LNPK: variants seen among roughly 807,000 people sequenced by gnomAD.
LNPK encodes the protein endoplasmic reticulum junction formation protein lunapark.
Under a neutral mutation model 55.2 loss-of-function variants are expected in LNPK, and 29 were observed. The ratio of observed to expected loss-of-function variants is 0.53; its 90% CI spans 0.39 to 0.72. LNPK has a LOEUF of 0.72. Ranked by LOEUF, LNPK falls within the 30% of genes least tolerant of loss-of-function variation. The probability of loss-of-function intolerance (pLI) is 0.00; values close to 1 mark genes in which losing one functional copy is unlikely to be tolerated. For synonymous variants in LNPK, 162 were observed against 168.2 expected (o/e 0.96, Z 0.29); for missense variants, 467 against 494.8 (o/e 0.94, Z 0.53).
chr2:175,967,673 T>C lies in LNPK; in HGVS notation c.358-3084A>G, dbSNP rs926082519. On this transcript the variant is annotated intron_variant, in intron 6 of 12. Transcript: ENST00000272748. ...TGAAAATACTGTCTGGTATCCCTGA[T>C]TTGAGGTTTGCTGTTGAAATTGATG... The C allele has an allele frequency of 2.5e-5, 25 of 984,346 alleles. No homozygotes were observed. In the African/African-American group the frequency reaches 3.8e-4, roughly 15 times the overall value. 61.0% of individuals were successfully genotyped at this position (984,346 alleles called of 1,614,324 possible). A position where few individuals can be genotyped will look rare whatever the true frequency, so the allele number is the denominator to read the frequency against.
At chr2:175,931,529 A>G (rs1488924279) in intron 12 of LNPK, among the ~76,000 whole-genome samples, 1 of 152,208 alleles carries the variant, frequency 6.6e-6, no homozygotes, top group Non-Finnish European at 1.5e-5. Context: ...AATTAGTTAT[A>G]ACCACCTTCC....
chr2:175,932,164 T>C (rs144231373), intron 12 of LNPK: 1 of 455,442 alleles, frequency 2.2e-6, no homozygotes, highest in East Asian at 6.9e-5. Flanking sequence ...AATACTGTAC[T>C]GAAACAGGAG....
In LNPK at chr2:175,964,421, C is replaced by G; in HGVS notation, c.444G>C (p.Glu148Asp). 5 of 1,613,018 alleles carry G rather than the reference C, an allele frequency of 3.1e-6. No individual in the cohort carries two copies. The highest frequency in any genetic ancestry group is 4.2e-6 in the Non-Finnish European group (5 of 1,179,004). ...CTGCTCCAGCAGATGGCGGCTCACA[C>G]TCCTGTCAATTATAATAATGTTATT... ...RFDPDSKKAKECEPPSAGAAV... is the reference protein window; with the variant it reads ...RFDPDSKKAKDCEPPSAGAAV... The change falls in exon 8 of 13, where the codon GAG (glutamate) becomes GAC (aspartate). Residue 148 changes from glutamate to aspartate, a missense_variant and splice_region_variant. Transcript: ENST00000272748.
chr2:175,997,703 C>CTTTATATGTGTGTGTG (rs1491566543), intron 1 of LNPK, among the ~76,000 whole-genome samples: 5 of 45,818 alleles, frequency 1.1e-4, no homozygotes, highest in African/African-American at 3.4e-4. Context: ...AAAACAAATG[C>CTTTATATGTGTGTGTG]TCTGTGTGTG....
chr2:175,941,324 CAAG>C (rs980423962), intron 9 of LNPK, among the ~76,000 whole-genome samples: 2 of 124,780 alleles, frequency 1.6e-5, no homozygotes, highest in Non-Finnish European at 3.9e-5. Flanking sequence ...TGGGGTCCAT[CAAG>C]AAGAGGAGAA....
chr2:175,982,928 C>A (rs1425431313), intron 4 of LNPK, among the ~76,000 whole-genome samples: 1 of 151,994 alleles, frequency 6.6e-6, no homozygotes, highest in African/African-American at 2.4e-5. Flanking sequence ...ATCCAAACAA[C>A]AAGGAGAATA....
At chr2:175,970,931 T>A in intron 5 of LNPK, 127 bp from the exon 6 acceptor site, 3 of 751,890 alleles carry the variant, frequency 4.0e-6, no homozygotes, top group Non-Finnish European at 5.8e-6. Flanking sequence ...TTAACTGATG[T>A]GTAGAGACAA....
At chr2:175,957,529 C>A (rs1401366881) in intron 8 of LNPK, among the ~76,000 whole-genome samples, 1 of 151,598 alleles carries the variant, frequency 6.6e-6, no homozygotes, top group Non-Finnish European at 1.5e-5. Flanking sequence ...AGTTCCAAAT[C>A]AATTCTCCCT....
At chr2:175,951,593 A>ATATATATATATATATATC (rs1685412571) in intron 8 of LNPK, among the ~76,000 whole-genome samples, 1 of 96,282 alleles carries the variant, frequency 1.0e-5, no homozygotes, top group African/African-American at 3.3e-5. Context: ...TCATATATAT[A>ATATATATATATATATATC]TATATATATA....
At chr2:175,958,671 G>C (rs910310176) in intron 8 of LNPK, among the ~76,000 whole-genome samples, 5 of 152,158 alleles carry the variant, frequency 3.3e-5, no homozygotes, top group African/African-American at 1.2e-4. Flanking sequence ...CTCTTCCGAA[G>C]GATTGCAGCT....
At chr2:175,947,813 TATA>T (rs1685221551) in intron 8 of LNPK, 121 bp from the exon 9 acceptor site, 1 of 567,052 alleles carries the variant, frequency 1.8e-6, no homozygotes, top group Non-Finnish European at 3.0e-6. Flanking sequence ...CAAAATTACT[TATA>T]ATAATAAATC....
intron 4 of LNPK, among the ~76,000 whole-genome samples, chr2:175,985,056 G>A (rs184874945): frequency 6.6e-6 from 1 of 152,328 alleles, no homozygotes; most frequent in Non-Finnish European, 1.5e-5. Context: ...GAACAACTTG[G>A]ATGGATCTCA....
chr2:175,979,386 C>T (rs1213890846), intron 5 of LNPK, among the ~76,000 whole-genome samples: 2 of 152,018 alleles, frequency 1.3e-5, no homozygotes, highest in African/African-American at 2.4e-5. Flanking sequence ...TGGTGAAACC[C>T]TGTCTCTATA....
rs191543028 is a variant in LNPK, at chr2:175,945,780, T to A, written c.706+1700A>T. Reference sequence around the variant, plus strand: ...TGAAATAATAGATTTCATAAAAATATCTTAAACCTCTTGCACATGCACCTT... The same window carrying A: ...TGAAATAATAGATTTCATAAAAATAACTTAAACCTCTTGCACATGCACCTT... On this transcript the variant is annotated intron_variant, in intron 9 of 12. Coordinates refer to ENST00000272748, the MANE Select transcript of LNPK (RefSeq NM_030650.3). Among the ~76,000 whole-genome samples, 13 of 152,262 alleles carry A rather than the reference T, an allele frequency of 8.5e-5. No individual in the cohort carries two copies. In the East Asian group the frequency reaches 2.5e-3, roughly 29 times the overall value.
In LNPK at chr2:175,937,333, C is replaced by T. The variant is rs201691987; in HGVS notation, c.1054+11G>A. 1.2e-6 allele frequency: 2 copies of T among 1,608,996 alleles called. No individual in the cohort carries two copies. The highest frequency in any genetic ancestry group is 8.5e-7 in the Non-Finnish European group (1 of 1,177,452). ...GTTATTAAGGGGCAAAACTGTTTAA[C>T]ATATTCATACCTTCATTAAACTGGT... On this transcript the variant is annotated intron_variant, in intron 12 of 12. Coordinates refer to ENST00000272748, the MANE Select transcript of LNPK (RefSeq NM_030650.3).
At chr2:175,952,749 G>C (rs1196992441) in intron 8 of LNPK, among the ~76,000 whole-genome samples, 1 of 151,690 alleles carries the variant, frequency 6.6e-6, no homozygotes, top group Non-Finnish European at 1.5e-5. Context: ...ACTCAATCTG[G>C]TTTTTGTGCT....
At chr2:175,961,782 A>T (rs1686042898) in intron 8 of LNPK, among the ~76,000 whole-genome samples, 2 of 152,202 alleles carry the variant, frequency 1.3e-5, no homozygotes, top group Admixed American at 6.5e-5. Context: ...TGCAGATGAC[A>T]TGCTTGTGTA....
In LNPK at chr2:175,929,514, T is replaced by C; in HGVS notation, c.*453A>G. On this transcript the variant is annotated 3_prime_UTR_variant, in exon 13 of 13. Transcript: ENST00000272748. ...AATAGACATTTCTCCCAGTTGTAAA[T>C]ATCTCAGGAGCTAAAATTCTATCAA... is the stretch of plus-strand genomic sequence containing the variant. 1.0e-6 allele frequency: 1 copy of C among 994,780 alleles called. No homozygotes were observed. Among genetic ancestry groups the C allele is most frequent in the Non-Finnish European group, 1.2e-6 (1 of 835,710 alleles). The allele number at this position is 994,780 out of a possible 1,614,324, so 61.6% of individuals were successfully genotyped here.
chr2:175,965,912 T>C (rs572326095), intron 6 of LNPK, among the ~76,000 whole-genome samples: 1 of 152,276 alleles, frequency 6.6e-6, no homozygotes, highest in South Asian at 2.1e-4. Context: ...CTCTACACAT[T>C]AGACTTTTGA....
Sources: gnomAD v4.1 joint callset for allele counts (sites outside exome capture counted in the v4.1 genomes callset) on GRCh38, gnomAD v4.1.1 for gene constraint, MANE v1.5 for transcripts, NCBI Gene and HGNC (gene_info 2026-07-23, HGNC 2026-07-21) for gene names.